Variants in ZKSCAN5 observed in about 807,000 individuals in gnomAD.
The protein encoded by ZKSCAN5 is zinc finger protein with KRAB and SCAN domains 5.
A neutral mutation model predicts 60.0 loss-of-function variants in ZKSCAN5; 28 were observed. The observed-to-expected ratio is 0.47, with a 90% CI of 0.35 to 0.64. ZKSCAN5 has a LOEUF of 0.64. Ranked by LOEUF, ZKSCAN5 falls within the 30% of genes least tolerant of loss-of-function variation. The pLI, the probability that ZKSCAN5 is intolerant of heterozygous loss-of-function variation, is 0.01. For missense variants in ZKSCAN5, 881 were observed against 1,034.6 expected, an observed-to-expected ratio of 0.85 and a Z score of 2.04; for synonymous variants, 361 against 371.2, an observed-to-expected ratio of 0.97 and a Z score of 0.31.
At chr7:99,515,774 C>A (rs1284626283) in intron 3 of ZKSCAN5, among the ~76,000 whole-genome samples, 2 of 147,120 alleles carry the variant, frequency 1.4e-5, no homozygotes, top group African/African-American at 2.5e-5. Context: ...ATGGAGGTTG[C>A]AGTGAGCAGA....
intron 6 of ZKSCAN5, among the ~76,000 whole-genome samples, chr7:99,529,814 C>T (rs2151117927): frequency 6.6e-6 from 1 of 152,078 alleles, no homozygotes; most frequent in Non-Finnish European, 1.5e-5. Context: ...TGGCTCACTG[C>T]AACCTCTGCC....
At chr7:99,507,377 A>G (rs1278037356) in intron 2 of ZKSCAN5, among the ~76,000 whole-genome samples, 1 of 151,924 alleles carries the variant, frequency 6.6e-6, no homozygotes, top group East Asian at 1.9e-4. Flanking sequence ...ACTTTGCTGC[A>G]ATGACTATCT....
chr7:99,515,502 C>G (rs1015914356), intron 3 of ZKSCAN5, among the ~76,000 whole-genome samples: 2 of 152,008 alleles, frequency 1.3e-5, no homozygotes, highest in African/African-American at 4.8e-5. Flanking sequence ...CTTCCAGTAG[C>G]TCAGTGGAAT....
chr7:99,519,782 C>T (rs538643371), intron 3 of ZKSCAN5, 45 bp from the exon 4 acceptor site: 36 of 1,567,296 alleles, frequency 2.3e-5, no homozygotes, highest in Middle Eastern at 1.7e-4. Flanking sequence ...CAATGAGAAC[C>T]GGGCAAAGAT....
chr7:99,531,105 T>A lies in ZKSCAN5; in HGVS notation c.1379-3T>A. On this transcript the variant is annotated splice_region_variant and splice_polypyrimidine_tract_variant and intron_variant, in intron 6 of 6. Transcript: ENST00000326775. ...ATTTTCACTTGCTCTTTATTTTTTT[T>A]AGGCAGTGACAAAAGAAGTAAGAAC... The A allele has an allele frequency of 6.4e-7, 1 of 1,569,732 alleles. No individual in the cohort carries two copies. Among genetic ancestry groups the A allele is most frequent in the Non-Finnish European group, 8.6e-7 (1 of 1,164,812 alleles).
chr7:99,519,130 C>A (rs1801403276), intron 3 of ZKSCAN5, among the ~76,000 whole-genome samples: 2 of 151,434 alleles, frequency 1.3e-5, no homozygotes, highest in Admixed American at 1.3e-4. Context: ...CACCTGCCAC[C>A]ACACCCGGCT....
chr7:99,522,387 A>G (rs879280279), intron 5 of ZKSCAN5, among the ~76,000 whole-genome samples: 15 of 152,124 alleles, frequency 9.9e-5, no homozygotes, highest in Non-Finnish European at 1.8e-4. Flanking sequence ...GCTATTGTAG[A>G]TGAATGTAAG....
At chr7:99,523,928 T>C (rs1584194281) in intron 5 of ZKSCAN5, among the ~76,000 whole-genome samples, 1 of 152,160 alleles carries the variant, frequency 6.6e-6, no homozygotes, top group Admixed American at 6.6e-5. Flanking sequence ...GGATTAAATA[T>C]ACCATAAAAT....
rs1802039771 is a variant in ZKSCAN5 at position 99,531,412 on chromosome 7, T to C, written c.1683T>C (p.Ser561=). 6.2e-7 allele frequency: 1 copy of C among 1,613,908 alleles called. No homozygotes were observed. Among genetic ancestry groups the C allele is most frequent in the Non-Finnish European group, 8.5e-7 (1 of 1,179,982 alleles). ...CNECGKSFIQ[S]AHLIQHQRIH... Reference sequence around the variant, plus strand: ...AGTGTGGGAAAAGCTTCATTCAGAGTGCACATCTTATTCAACATCAAAGAA... The same window carrying C: ...AGTGTGGGAAAAGCTTCATTCAGAGCGCACATCTTATTCAACATCAAAGAA... Residue 561 remains serine (S), a synonymous_variant, in exon 7 of 7, where the codon AGT becomes AGC. Coordinates refer to ENST00000326775, the MANE Select transcript of ZKSCAN5 (RefSeq NM_145102.4).
chr7:99,524,906 T>C (rs987430271), intron 5 of ZKSCAN5, among the ~76,000 whole-genome samples: 2 of 151,620 alleles, frequency 1.3e-5, no homozygotes, highest in Non-Finnish European at 2.9e-5. Flanking sequence ...CGGTGGCTCA[T>C]GTCTGTAATC....
Position 99,512,549 on chromosome 7 carries a change from C to G in ZKSCAN5, c.511C>G (p.Pro171Ala). 1 of 1,614,162 alleles carries G rather than the reference C, an allele frequency of 6.2e-7. No individual in the cohort carries two copies. The highest frequency in any genetic ancestry group is 8.5e-7 in the Non-Finnish European group (1 of 1,180,012). The change falls in exon 3 of 7, where the codon CCT (proline) becomes GCT (alanine). Residue 171 changes from proline (P) to alanine (A), a missense_variant. Pro to Ala is a conservative substitution (Grantham distance 27, BLOSUM62 -1). Transcript: ENST00000326775. Reference protein sequence around the residue: ...SPHPLTVDTQPEQAPQKPRLL... With the variant: ...SPHPLTVDTQAEQAPQKPRLL... ...CCATCCCCTGACCGTGGACACCCAG[C>G]CTGAGCAAGCGCCACAGAAGCCTCG...
In ZKSCAN5 at chr7:99,532,378, T is replaced by C; in HGVS notation, c.*129T>C. On this transcript the variant is annotated 3_prime_UTR_variant, in exon 7 of 7. Coordinates refer to ENST00000326775, the MANE Select transcript of ZKSCAN5 (RefSeq NM_145102.4). ...CAAATAGGTTGAAATCCTTTAGTTA[T>C]AACTCAGCCTTTAGGAACACCGGAG... 1.1e-6 allele frequency: 1 copy of C among 895,296 alleles called. No homozygotes were observed. The highest frequency in any genetic ancestry group is 1.6e-6 in the Non-Finnish European group (1 of 619,582). 55.5% of individuals were successfully genotyped at this position (895,296 alleles called of 1,614,324 possible).
At position 99,534,258 on chromosome 7, in the gene ZKSCAN5, A is replaced by G. The variant is rs1802165152; in HGVS notation, c.*2009A>G. ...GGTCTTGCTCTGCTGCCCAGGCTAG[A>G]GTGCAGTGGTGCAATCACAGCTCAC... On this transcript the variant is annotated 3_prime_UTR_variant, in exon 7 of 7. Transcript: ENST00000326775. 1 of 152,264 alleles carries G rather than the reference A, an allele frequency of 6.6e-6. No individual in the cohort carries two copies. Among genetic ancestry groups the G allele is most frequent in the Non-Finnish European group, 1.5e-5 (1 of 68,110 alleles). 9.4% of individuals were successfully genotyped at this position (152,264 alleles called of 1,614,324 possible). A position where few individuals can be genotyped will look rare whatever the true frequency, so the allele number is the denominator to read the frequency against.
intron 3 of ZKSCAN5, among the ~76,000 whole-genome samples, chr7:99,512,948 G>C (rs563587101): frequency 9.1e-4 from 137 of 150,786 alleles, no homozygotes; most frequent in African/African-American, 3.1e-3. Flanking sequence ...TCTAGCATTA[G>C]GTATATCTCC....
rs1033225590 is a variant in ZKSCAN5, at chr7:99,520,043, G to A, written c.637-126G>A. 6.0e-6 allele frequency: 9 copies of A among 1,499,304 alleles called. No homozygotes were observed. The African/African-American group carries it at 1.2e-4, about 21-fold the overall frequency. 92.9% of individuals were successfully genotyped at this position (1,499,304 alleles called of 1,614,324 possible). A position where few individuals can be genotyped will look rare whatever the true frequency, so the allele number is the denominator to read the frequency against. On this transcript the variant is annotated intron_variant, in intron 4 of 6. Transcript: ENST00000326775. ...CTTTGGCCTTTTTCCTTTCTGCCTA[G>A]TCCTTCCCCATCCTCTTTGAGGCAC...
Position 99,512,404 on chromosome 7 carries a change from C to T in ZKSCAN5, c.415-49C>T, listed in dbSNP as rs200150626. The stretch of plus-strand genomic sequence containing the variant: ...CCACCATGATTCTACTGATTTCTTT[C>T]GTGGCCTTCTCTGTAACTGTACTGA... On this transcript the variant is annotated intron_variant, in intron 2 of 6. Transcript: ENST00000326775. The T allele has an allele frequency of 9.6e-5, 150 of 1,563,924 alleles. 1 individual carries two copies. Among genetic ancestry groups the T allele is most frequent in the Middle Eastern group, 8.6e-4 (5 of 5,846 alleles).
At chr7:99,506,506 A>G (rs752263043) in intron 2 of ZKSCAN5, 48 bp downstream of exon 2, 7 of 1,549,032 alleles carry the variant, frequency 4.5e-6, no homozygotes, top group Non-Finnish European at 6.1e-6. Flanking sequence ...GGAGTGAACC[A>G]TCTGCTGAGC....
At chr7:99,520,642 G>A (rs1049961698) in intron 5 of ZKSCAN5, among the ~76,000 whole-genome samples, 8 of 152,208 alleles carry the variant, frequency 5.3e-5, no homozygotes, top group Admixed American at 2.0e-4. Context: ...AGGCCGAGGT[G>A]GGAGAATCAC....
chr7:99,530,713 A>G (rs1362833076), intron 6 of ZKSCAN5, among the ~76,000 whole-genome samples: 1 of 152,196 alleles, frequency 6.6e-6, no homozygotes, highest in African/African-American at 2.4e-5. Context: ...CCGTTACATC[A>G]TAGTTTCATC....
Sources: gnomAD v4.1 joint callset for allele counts (sites outside exome capture counted in the v4.1 genomes callset) on GRCh38, gnomAD v4.1.1 for gene constraint, MANE v1.5 for transcripts, NCBI Gene and HGNC (gene_info 2026-07-23, HGNC 2026-07-21) for gene names.